Variants in HPS5 observed in about 807,000 individuals in gnomAD.
HPS5 encodes the protein BLOC-2 complex member HPS5.
A neutral mutation model predicts 128.0 loss-of-function variants in HPS5; 83 were observed. That is an observed-to-expected ratio of 0.65 (90% CI 0.54 to 0.78). HPS5 has a LOEUF of 0.78. Among genes scored for constraint, HPS5 ranks in the 30% least tolerant of loss-of-function variants. HPS5 has a pLI of 0.00. For missense variants in HPS5, 1,281 were observed against 1,326.2 expected (o/e 0.97, Z 0.53); for synonymous variants, 475 against 470.2 (o/e 1.01, Z -0.13).
At chr11:18,296,381 T>C (rs1861067738) in intron 12 of HPS5, 1 of 550,128 alleles carries the variant, frequency 1.8e-6, no homozygotes, top group Non-Finnish European at 3.2e-6. Flanking sequence ...TTAGGATCTC[T>C]ATTATTCTCT....
chr11:18,287,807 T>A (rs1859921229), intron 17 of HPS5, 86 bp downstream of exon 17: 1 of 1,593,854 alleles, frequency 6.3e-7, no homozygotes, highest in Non-Finnish European at 8.6e-7. Flanking sequence ...CTGCCTCATA[T>A]GCAAATGAGT....
In HPS5 at chr11:18,305,772, A is replaced by G. The variant is rs10832917; in HGVS notation, c.825-279T>C. 0.73 allele frequency among the ~76,000 whole-genome samples: 108,666 copies of G among 149,196 alleles called. 39,980 individuals are homozygous for G. The highest frequency in any genetic ancestry group is 0.97 in the East Asian group (4,914 of 5,066). ...TTTTGAGACGGAGTCTCGCTCTGTC[A>G]CCCACGCTGGAGTGCAGTGGCACAA... is the stretch of plus-strand genomic sequence containing the variant. On this transcript the variant is annotated intron_variant, in intron 7 of 22. Coordinates refer to ENST00000349215, the MANE Select transcript of HPS5 (RefSeq NM_181507.2).
intron 22 of HPS5, among the ~76,000 whole-genome samples, chr11:18,281,086 T>TG (rs1858841835): frequency 6.6e-6 from 1 of 151,778 alleles, no homozygotes; most frequent in African/African-American, 2.4e-5. Flanking sequence ...CCAGTAATTT[T>TG]TTTTTTTTTT....
chr11:18,314,806 T>C (rs1863424950), intron 2 of HPS5, among the ~76,000 whole-genome samples: 1 of 152,176 alleles, frequency 6.6e-6, no homozygotes, highest in African/African-American at 2.4e-5. Context: ...GCTCAAGCAA[T>C]GCTCCCAACT....
chr11:18,303,674 G>A (rs1050519876), intron 8 of HPS5, among the ~76,000 whole-genome samples: 4 of 152,098 alleles, frequency 2.6e-5, no homozygotes, highest in African/African-American at 9.7e-5. Context: ...GCAACATGGT[G>A]AAACCCCATC....
intron 9 of HPS5, 59 bp downstream of exon 9, chr11:18,300,769 T>C (rs1861612869): frequency 1.1e-5 from 9 of 795,394 alleles, no homozygotes; most frequent in Middle Eastern, 3.7e-4. Context: ...AGAATGCTCC[T>C]ACAATAATCA....
chr11:18,285,505 T>G, intron 19 of HPS5, 46 bp from the exon 20 acceptor site: 12 of 1,265,518 alleles, frequency 9.5e-6, no homozygotes, highest in Non-Finnish European at 1.4e-5. Flanking sequence ...AAATAAACTC[T>G]AGAAAATGCT....
intron 2 of HPS5, among the ~76,000 whole-genome samples, chr11:18,317,189 G>A (rs10766470): frequency 0.62 from 63,450 of 101,962 alleles, 15,624 homozygotes; most frequent in East Asian, 0.69. Flanking sequence ...GCGAGACTCC[G>A]TCTCAAAAAA....
At chr11:18,315,382 G>A (rs144277759) in intron 2 of HPS5, among the ~76,000 whole-genome samples, 108 of 152,264 alleles carry the variant, frequency 7.1e-4, no homozygotes, top group African/African-American at 2.5e-3. Flanking sequence ...TTGGGAGGAG[G>A]CAAGAGGATT....
intron 19 of HPS5, 121 bp from the exon 20 acceptor site, chr11:18,285,580 T>G: frequency 1.4e-6 from 1 of 720,278 alleles, no homozygotes; most frequent in Non-Finnish European, 2.4e-6. Context: ...TTAAAAACAT[T>G]GCTATTTGGC....
At chr11:18,310,677 G>A (rs1350722804) in intron 5 of HPS5, 64 bp downstream of exon 5, 2 of 1,272,838 alleles carry the variant, frequency 1.6e-6, no homozygotes, top group African/African-American at 3.0e-5. Context: ...TCCTTTAATT[G>A]GAAGTTTTAT....
Position 18,287,883 on chromosome 11 carries a change from G to A in HPS5, c.2561+10C>T. On this transcript the variant is annotated intron_variant, in intron 17 of 22. Transcript: ENST00000349215. ...TTTAGCTCATATAAACAATATACAGGACAACTTACCGGGTAGCATAAACAA... is the reference window on the plus strand; with the variant it reads ...TTTAGCTCATATAAACAATATACAGAACAACTTACCGGGTAGCATAAACAA... 6.2e-7 allele frequency: 1 copy of A among 1,613,884 alleles called. No homozygotes were observed. Among genetic ancestry groups the A allele is most frequent in the Non-Finnish European group, 8.5e-7 (1 of 1,179,960 alleles).
At chr11:18,287,814 G>A (rs1164901565) in intron 17 of HPS5, 79 bp downstream of exon 17, 11 of 1,597,152 alleles carry the variant, frequency 6.9e-6, no homozygotes, top group Admixed American at 1.7e-5. Flanking sequence ...ATATGCAAAT[G>A]AGTAACATGT....
At chr11:18,291,323 G>T in intron 16 of HPS5, 119 bp downstream of exon 16, 1 of 652,108 alleles carries the variant, frequency 1.5e-6, no homozygotes, top group South Asian at 2.0e-5. Context: ...ACAGAATAAA[G>T]GGTTGACCAG....
Position 18,287,665 on chromosome 11 carries a change from C to A in HPS5, c.2587G>T (p.Ala863Ser). 15 of 1,614,148 alleles carry A rather than the reference C, an allele frequency of 9.3e-6. No homozygotes were observed. The highest frequency in any genetic ancestry group is 1.3e-5 in the Non-Finnish European group (15 of 1,180,006). Residue 863 changes from alanine to serine, a missense_variant, in exon 18 of 23, where the codon GCT (alanine) becomes TCT (serine). Coordinates refer to ENST00000349215, the MANE Select transcript of HPS5 (RefSeq NM_181507.2). ...AAGAACTTGATTAAGGATCGAAGAG[C>A]AGACTCCCCAAACTTTTCATACAAC... is the stretch of plus-strand genomic sequence containing the variant. ...TRLYEKFGES[A>S]LRSLIKFFPS... is the part of the protein sequence containing the mutation.
In HPS5 at chr11:18,285,408, T is replaced by C. The variant is rs1859574852; in HGVS notation, c.2889A>G (p.Leu963=). The C allele has an allele frequency of 1.9e-6, 3 of 1,613,658 alleles. No individual in the cohort carries two copies. The highest frequency in any genetic ancestry group is 2.5e-6 in the Non-Finnish European group (3 of 1,179,688). The change falls in exon 20 of 23, where the codon CTA becomes CTG. Residue 963 remains leucine (L), a synonymous_variant. Coordinates refer to ENST00000349215, the MANE Select transcript of HPS5 (RefSeq NM_181507.2). ...TTATAAAATCTGCAGGAAGTTTAAT[T>C]AGATGAAGGATCAGCTGACTGTAAC... ...SWGYSQLILH[L]IKLPADFITK...
At position 18,297,687 on chromosome 11, in the gene HPS5, C is replaced by G; in HGVS notation, c.1195G>C (p.Glu399Gln). 6.2e-7 allele frequency: 1 copy of G among 1,614,060 alleles called. No individual in the cohort carries two copies. Among genetic ancestry groups the G allele is most frequent in the Non-Finnish European group, 8.5e-7 (1 of 1,179,948 alleles). Residue 399 changes from glutamate (E) to glutamine (Q), a missense_variant, in exon 11 of 23, where the codon GAG (glutamate) becomes CAG (glutamine). Physicochemically the swap from Glu to Gln is conservative, Grantham distance 29. Transcript: ENST00000349215. ...TGGTCCAGCTGAGATTTCAAATGCTCCAATTTATCTGCAGTCAAAGTTTTT... is the reference window on the plus strand; with the variant it reads ...TGGTCCAGCTGAGATTTCAAATGCTGCAATTTATCTGCAGTCAAAGTTTTT... ...ARKTLTADKL[E>Q]HLKSQLDHGT...
chr11:18,294,943 A>G, intron 14 of HPS5, 77 bp downstream of exon 14: 1 of 1,507,110 alleles, frequency 6.6e-7, no homozygotes, highest in Non-Finnish European at 9.2e-7. Flanking sequence ...CAGGCTGCAC[A>G]AGGTTGGTCT....
rs764861032 is a variant in HPS5 at position 18,298,829 on chromosome 11, G to A, written c.1127C>T (p.Thr376Ile). ...RRGLWNLAAR[T>I]CCLFQNSVIA... The stretch of plus-strand genomic sequence containing the variant: ...GACAGAATTTTGGAAAAGACAGCAT[G>A]TACGAGCAGCCAAGTTCCATAGGCC... The change falls in exon 10 of 23, where the codon ACA (threonine) becomes ATA (isoleucine). Residue 376 changes from threonine (T) to isoleucine (I), a missense_variant. Physicochemically the swap from Thr to Ile is moderately conservative, Grantham distance 89. Coordinates refer to ENST00000349215, the MANE Select transcript of HPS5 (RefSeq NM_181507.2). 35 of 1,614,068 alleles carry A rather than the reference G, an allele frequency of 2.2e-5. No individual in the cohort carries two copies. The Admixed American group carries it at 4.5e-4, about 21-fold the overall frequency.
Sources: allele counts gnomAD v4.1 joint callset (sites outside exome capture counted in the v4.1 genomes callset), GRCh38; gene constraint gnomAD v4.1.1; transcripts MANE v1.5; gene names NCBI Gene and HGNC (gene_info 2026-07-23, HGNC 2026-07-21).